Variants in PHACTR1 observed in about 807,000 individuals in gnomAD.
PHACTR1 encodes the protein RPEL repeat containing 1.
In PHACTR1, 16 loss-of-function variants were observed where a neutral mutation model predicts 69.2. The ratio of observed to expected loss-of-function variants is 0.23; its 90% CI spans 0.16 to 0.35. PHACTR1 has a LOEUF of 0.35. PHACTR1 is among the 10% of genes least tolerant of loss of function. The pLI is 1.00. For missense variants in PHACTR1, 510 were observed against 734.7 expected, an observed-to-expected ratio of 0.69 and a Z score of 3.54; for synonymous variants, 312 against 284.5, an observed-to-expected ratio of 1.10 and a Z score of -0.97.
intron 4 of PHACTR1, among the ~76,000 whole-genome samples, chr6:12,757,191 G>A (rs1030658007): frequency 2.6e-5 from 4 of 152,114 alleles, no homozygotes; most frequent in Non-Finnish European, 5.9e-5. Flanking sequence ...TCTTCAGTGC[G>A]GGTAAAAGAA....
At chr6:13,203,227 A>G (rs1336886832) in intron 7 of PHACTR1, among the ~76,000 whole-genome samples, 1 of 152,218 alleles carries the variant, frequency 6.6e-6, no homozygotes, top group Non-Finnish European at 1.5e-5. Context: ...CATGATTTGC[A>G]TCTCTTGTGA....
chr6:12,932,201 C>T (rs544959208), intron 4 of PHACTR1, among the ~76,000 whole-genome samples: 18 of 152,264 alleles, frequency 1.2e-4, no homozygotes, highest in Admixed American at 9.2e-4. Context: ...TTTATATCTT[C>T]GGAGAGAAGC....
intron 4 of PHACTR1, among the ~76,000 whole-genome samples, chr6:12,987,317 G>T (rs1796309090): frequency 6.6e-6 from 1 of 152,160 alleles, no homozygotes; most frequent in Non-Finnish European, 1.5e-5. Flanking sequence ...ATCAACATAT[G>T]TAACAAGTCA....
At chr6:12,757,849 C>G (rs1249629261) in intron 4 of PHACTR1, among the ~76,000 whole-genome samples, 1 of 152,134 alleles carries the variant, frequency 6.6e-6, no homozygotes, top group Non-Finnish European at 1.5e-5. Context: ...TGGTGGCTTA[C>G]ACCTCTAATT....
At chr6:12,888,365 A>C (rs964315775) in intron 4 of PHACTR1, among the ~76,000 whole-genome samples, 2 of 152,176 alleles carry the variant, frequency 1.3e-5, no homozygotes, top group African/African-American at 4.8e-5. Flanking sequence ...AGCCTCCAGA[A>C]CACTGAGAAA....
At position 12,964,594 on chromosome 6, in the gene PHACTR1, G is replaced by A. The variant is rs75204174; in HGVS notation, c.251-88771G>A. Among the ~76,000 whole-genome samples, 1,399 of 152,230 alleles carry A rather than the reference G, an allele frequency of 9.2e-3. 23 individuals are homozygous for A. Among genetic ancestry groups the A allele is most frequent in the African/African-American group, 0.031 (1,306 of 41,518 alleles). ...ACGAGAGGGTAGAGAGAAAGGGACC[G>A]ATGGTAGATGCATTGAAAAGAATTT... On this transcript the variant is annotated intron_variant, in intron 4 of 14. Coordinates refer to ENST00000332995, the MANE Select transcript of PHACTR1 (RefSeq NM_030948.6).
intron 5 of PHACTR1, among the ~76,000 whole-genome samples, chr6:13,083,833 A>C (rs1811814018): frequency 6.6e-6 from 1 of 152,150 alleles, no homozygotes; most frequent in African/African-American, 2.4e-5. Context: ...TATCAGCTTA[A>C]GGAGATTTTG....
intron 5 of PHACTR1, among the ~76,000 whole-genome samples, chr6:13,095,018 A>G (rs946595156): frequency 1.3e-5 from 2 of 152,152 alleles, no homozygotes; most frequent in Non-Finnish European, 2.9e-5. Flanking sequence ...TTGCTAGCCT[A>G]GTGTCTCTCT....
intron 10 of PHACTR1, among the ~76,000 whole-genome samples, chr6:13,263,272 A>G (rs1776167990): frequency 8.3e-6 from 1 of 120,276 alleles, no homozygotes; most frequent in Non-Finnish European, 1.7e-5. Flanking sequence ...CAGTCTTTCC[A>G]TGCAAAAAGA....
chr6:13,226,119 C>T (rs985104897), intron 8 of PHACTR1, among the ~76,000 whole-genome samples: 2 of 152,140 alleles, frequency 1.3e-5, no homozygotes, highest in African/African-American at 2.4e-5. Context: ...TTTGTAAATA[C>T]GTGATTTAAT....
intron 5 of PHACTR1, among the ~76,000 whole-genome samples, chr6:13,080,173 T>A (rs899323113): frequency 6.6e-6 from 1 of 152,076 alleles, no homozygotes; most frequent in South Asian, 2.1e-4. Context: ...TCACTGCCCC[T>A]CCTTTCCACC....
At chr6:12,756,273 G>C (rs1767313500) in intron 4 of PHACTR1, among the ~76,000 whole-genome samples, 1 of 152,108 alleles carries the variant, frequency 6.6e-6, no homozygotes, top group Non-Finnish European at 1.5e-5. Flanking sequence ...TGTCTTGTAA[G>C]GGCCTGAAAG....
chr6:12,744,553 A>G (rs1056839571), intron 3 of PHACTR1, among the ~76,000 whole-genome samples: 2 of 152,006 alleles, frequency 1.3e-5, no homozygotes, highest in African/African-American at 4.8e-5. Context: ...TCATCCCTTC[A>G]TGTTTCGTAA....
intron 4 of PHACTR1, among the ~76,000 whole-genome samples, chr6:12,839,795 A>T (rs1410107815): frequency 6.6e-6 from 1 of 152,178 alleles, no homozygotes; most frequent in Admixed American, 6.5e-5. Flanking sequence ...GCTGAGTAAC[A>T]TTTCACACCT....
At chr6:13,043,224 C>T (rs547369796) in intron 4 of PHACTR1, among the ~76,000 whole-genome samples, 10 of 152,190 alleles carry the variant, frequency 6.6e-5, no homozygotes, top group East Asian at 5.8e-4. Context: ...GTCAGGGGTG[C>T]GAGACCAGCC....
chr6:13,103,995 A>T (rs1338322521), intron 5 of PHACTR1, among the ~76,000 whole-genome samples: 2 of 152,172 alleles, frequency 1.3e-5, no homozygotes, highest in African/African-American at 4.8e-5. Flanking sequence ...GAGGCAGGAA[A>T]ATCGCCTGAA....
At chr6:12,882,788 G>C (rs1783229575) in intron 4 of PHACTR1, among the ~76,000 whole-genome samples, 1 of 152,256 alleles carries the variant, frequency 6.6e-6, no homozygotes, top group Admixed American at 6.5e-5. Context: ...TGAGGTAGTT[G>C]TGTGGGTTCA....
At chr6:12,992,953 C>A (rs948244561) in intron 4 of PHACTR1, among the ~76,000 whole-genome samples, 13 of 152,150 alleles carry the variant, frequency 8.5e-5, no homozygotes, top group African/African-American at 3.1e-4. Context: ...CAAATGGGTT[C>A]TTTACCTGGC....
At chr6:13,269,686 G>T (rs1777352562) in intron 10 of PHACTR1, among the ~76,000 whole-genome samples, 1 of 151,982 alleles carries the variant, frequency 6.6e-6, no homozygotes, top group African/African-American at 2.4e-5. Flanking sequence ...CAAAAAACTA[G>T]CACGGGGCAT....
Sources: gnomAD v4.1 joint callset for allele counts (sites outside exome capture counted in the v4.1 genomes callset) on GRCh38, gnomAD v4.1.1 for gene constraint, MANE v1.5 for transcripts, NCBI Gene and HGNC (gene_info 2026-07-23, HGNC 2026-07-21) for gene names.